Variants in DCAF1 observed in about 807,000 individuals in gnomAD.
DCAF1 encodes DDB1- and CUL4-associated factor 1.
DCAF1 carries 15 observed loss-of-function variants against 128.0 expected under a neutral mutation model. That is an observed-to-expected ratio of 0.12 (90% CI 0.08 to 0.18). DCAF1 has a LOEUF of 0.18. Ranked by LOEUF, DCAF1 falls within the 10% of genes least tolerant of loss-of-function variation. The pLI is 1.00. For missense variants in DCAF1, 988 were observed against 1,649.5 expected (o/e 0.60, Z 6.95); for synonymous variants, 610 against 603.0 (o/e 1.01, Z -0.17).
chr3:51,415,228 C>G lies in DCAF1; in HGVS notation c.3604-371G>C, dbSNP rs180747313. Among the ~76,000 whole-genome samples, 12 of 152,304 alleles carry G rather than the reference C, an allele frequency of 7.9e-5. No individual in the cohort carries two copies. The East Asian group carries it at 2.3e-3, about 29-fold the overall frequency. On this transcript the variant is annotated intron_variant, in intron 18 of 24. Coordinates refer to ENST00000684031, the MANE Select transcript of DCAF1 (RefSeq NM_001387579.1). ...ATACTATCAGCTGGGGACAGTGACT[C>G]ATGCCTGCAATGCCAACATTTTGGG...
In DCAF1 at chr3:51,397,855, T is replaced by G. The variant is rs187144930; in HGVS notation, c.*914A>C. The stretch of plus-strand genomic sequence containing the variant: ...GGAAAGGCCATAAACAAAGACAGAC[T>G]TGTAGTTTATTTTGTATTTTTTTTA... On this transcript the variant is annotated 3_prime_UTR_variant, in exon 25 of 25. Transcript: ENST00000684031. The G allele has an allele frequency of 4.2e-5, 7 of 167,166 alleles. No homozygotes were observed. The highest frequency in any genetic ancestry group is 3.9e-4 in the Admixed American group (6 of 15,310). 10.4% of individuals were successfully genotyped at this position (167,166 alleles called of 1,614,324 possible).
chr3:51,433,610 C>G (rs1299951799), intron 9 of DCAF1, among the ~76,000 whole-genome samples: 1 of 151,438 alleles, frequency 6.6e-6, no homozygotes, highest in Non-Finnish European at 1.5e-5. Flanking sequence ...TACAGATACC[C>G]GCCACCACGT....
rs781831047 is a variant in DCAF1 at position 51,420,129 on chromosome 3, A to G, written c.2841T>C (p.Tyr947=). 30 of 1,613,888 alleles carry G rather than the reference A, an allele frequency of 1.9e-5. No homozygotes were observed. The highest frequency in any genetic ancestry group is 2.5e-5 in the Non-Finnish European group (29 of 1,179,902). The part of the protein sequence containing the change: ...QGPLALPGPS[Y]AGNSPLIGRI... ...TACCAATCAAAGGGGAGTTGCCTGC[A>G]TAAGATGGGCCGGGCAGAGCTAGCG... is the stretch of plus-strand genomic sequence containing the variant. The change falls in exon 15 of 25, where the codon TAT becomes TAC. Residue 947 remains tyrosine, a synonymous_variant. Transcript: ENST00000684031. The surrounding 1 kb of genome is among the most constrained non-coding windows in gnomAD (Gnocchi z 6.5).
chr3:51,452,847 A>T (rs183760321), intron 6 of DCAF1, among the ~76,000 whole-genome samples: 34 of 152,138 alleles, frequency 2.2e-4, no homozygotes, highest in South Asian at 1.5e-3. Context: ...CCTCATCTCT[A>T]ATAAAAATAT....
chr3:51,413,992 A>C lies in DCAF1; in HGVS notation c.3889T>G (p.Cys1297Gly). ...LLHTVPALDQ[C>G]RVVFNHTGTV... is the part of the protein sequence containing the mutation. ...CCCGTGTGATTGAACACCACGCGAC[A>C]CTGATCCAGAGCGGGAACAGTATGC... Residue 1297 changes from cysteine (C) to glycine (G), a missense_variant, in exon 20 of 25, where the codon TGT becomes GGT. By Grantham distance (159) the Cys-to-Gly change is radical. Coordinates refer to ENST00000684031, the MANE Select transcript of DCAF1 (RefSeq NM_001387579.1). The C allele has an allele frequency of 1.2e-6, 2 of 1,604,510 alleles. No individual in the cohort carries two copies. Among genetic ancestry groups the C allele is most frequent in the Non-Finnish European group, 1.7e-6 (2 of 1,175,942 alleles).
chr3:51,416,751 T>C (rs1553630480), intron 18 of DCAF1, 36 bp downstream of exon 18: 7 of 1,583,530 alleles, frequency 4.4e-6, no homozygotes, highest in Non-Finnish European at 6.0e-6. Flanking sequence ...CAAATGGGTA[T>C]GATCAGCTTG....
intron 23 of DCAF1, among the ~76,000 whole-genome samples, chr3:51,406,070 G>A (rs1323321609): frequency 6.6e-6 from 1 of 152,002 alleles, no homozygotes; most frequent in East Asian, 1.9e-4. Flanking sequence ...CAGGCCGGGC[G>A]TGGTGGCTCA....
intron 8 of DCAF1, 36 bp downstream of exon 8, chr3:51,441,349 C>T (rs1701340103): frequency 6.3e-7 from 1 of 1,576,832 alleles, no homozygotes; most frequent in African/African-American, 1.4e-5. Flanking sequence ...CACAATAATT[C>T]CTATGTGTGA....
chr3:51,418,663 G>C lies in DCAF1; in HGVS notation c.3435+15C>G, dbSNP rs782537954. On this transcript the variant is annotated intron_variant, in intron 16 of 24. Transcript: ENST00000684031. ...TGGAAGAATGACTGAGAGCATCCTA[G>C]GAAGGAACCCTTACCCTGGAAGGTT... The C allele has an allele frequency of 6.2e-7, 1 of 1,600,132 alleles. No individual in the cohort carries two copies. Among genetic ancestry groups the C allele is most frequent in the South Asian group, 1.1e-5 (1 of 89,692 alleles).
chr3:51,504,154 A>T (rs1708886516), upstream of DCAF1, among the ~76,000 whole-genome samples: 1 of 149,232 alleles, frequency 6.7e-6, no homozygotes, highest in African/African-American at 2.5e-5. Flanking sequence ...CTCCTTCCTC[A>T]GCATCCTGAG....
rs542262981 is a variant in DCAF1, at chr3:51,440,921, C to A, written c.1128+49G>T. 3.1e-5 allele frequency: 45 copies of A among 1,447,052 alleles called. No individual in the cohort carries two copies. In the African/African-American group the frequency reaches 5.4e-4, roughly 17 times the overall value. The allele number at this position is 1,447,052 out of a possible 1,614,324, so 89.6% of individuals were successfully genotyped here. On this transcript the variant is annotated intron_variant, in intron 9 of 24. Transcript: ENST00000684031. ...ACTCCATCTTAAATTTAAAAAAAAACAAAGTTTTTAAAAAATCCCCGGTGA... is the reference window on the plus strand; with the variant it reads ...ACTCCATCTTAAATTTAAAAAAAAAAAAAGTTTTTAAAAAATCCCCGGTGA...
intron 9 of DCAF1, among the ~76,000 whole-genome samples, chr3:51,436,247 C>T (rs186419210): frequency 4.1e-4 from 63 of 152,066 alleles, no homozygotes; most frequent in Middle Eastern, 3.4e-3. Flanking sequence ...CTGCTGTTTG[C>T]ATAGAAAGAA....
intron 23 of DCAF1, among the ~76,000 whole-genome samples, chr3:51,408,959 G>A (rs1553627543): frequency 6.6e-6 from 1 of 152,132 alleles, no homozygotes; most frequent in Non-Finnish European, 1.5e-5. Context: ...AGTCTTCTCT[G>A]AGCTAGAAAG....
chr3:51,438,752 T>G (rs572984997), intron 9 of DCAF1, among the ~76,000 whole-genome samples: 5 of 151,514 alleles, frequency 3.3e-5, no homozygotes, highest in African/African-American at 1.2e-4. Context: ...GCTGGGATTA[T>G]AGGCATGTGC....
At chr3:51,488,412 T>C (rs1376377961) in intron 2 of DCAF1, among the ~76,000 whole-genome samples, 2 of 152,168 alleles carry the variant, frequency 1.3e-5, no homozygotes, top group African/African-American at 4.8e-5. Context: ...GGCACATGGC[T>C]CACGCCTGTA....
At chr3:51,470,239 C>A (rs1418503698) in intron 4 of DCAF1, among the ~76,000 whole-genome samples, 1 of 151,994 alleles carries the variant, frequency 6.6e-6, no homozygotes, top group Non-Finnish European at 1.5e-5. Context: ...GATGAAGGCA[C>A]AGAGAAGAAC....
chr3:51,490,492 G>C (rs1365226526), intron 2 of DCAF1, among the ~76,000 whole-genome samples: 1 of 152,126 alleles, frequency 6.6e-6, no homozygotes, highest in Non-Finnish European at 1.5e-5. Context: ...AACATTGCTG[G>C]AGTCAATTCA....
intron 6 of DCAF1, among the ~76,000 whole-genome samples, chr3:51,444,886 A>G (rs945793593): frequency 6.7e-6 from 1 of 150,210 alleles, no homozygotes; most frequent in African/African-American, 2.5e-5. Context: ...CGTGTTAGCC[A>G]GGATGGTCTC....
chr3:51,439,301 G>T (rs781607208), intron 9 of DCAF1, among the ~76,000 whole-genome samples: 9 of 151,070 alleles, frequency 6.0e-5, no homozygotes, highest in Non-Finnish European at 1.2e-4. Flanking sequence ...GCTAATTTTT[G>T]TATTTTTTGT....
Sources: allele counts gnomAD v4.1 joint callset (sites outside exome capture counted in the v4.1 genomes callset), GRCh38; gene constraint gnomAD v4.1.1; non-coding constraint Gnocchi (gnomAD v3.1); transcripts MANE v1.5; gene names NCBI Gene and HGNC (gene_info 2026-07-23, HGNC 2026-07-21).